Variants in DNAJC9 observed in about 807,000 individuals in gnomAD.
The protein encoded by DNAJC9 is dnaJ homolog subfamily C member 9.
A neutral mutation model predicts 32.4 loss-of-function variants in DNAJC9; 18 were observed. The ratio of observed to expected loss-of-function variants is 0.56; its 90% CI spans 0.38 to 0.82. The LOEUF (loss-of-function observed/expected upper bound fraction) is 0.82. Ranked by LOEUF, DNAJC9 falls within the 40% of genes least tolerant of loss-of-function variation. DNAJC9 has a pLI of 0.00. For synonymous variants in DNAJC9, 113 were observed against 122.1 expected (o/e 0.93, Z 0.49); for missense variants, 310 against 321.8 (o/e 0.96, Z 0.28).
intron 4 of DNAJC9, 104 bp from the exon 5 acceptor site, chr10:73,243,623 T>C (rs2043977358): frequency 2.1e-6 from 3 of 1,446,048 alleles, no homozygotes; most frequent in Non-Finnish European, 2.8e-6. Context: ...CTAATGGGTA[T>C]GGAGTTTTTT....
intron 3 of DNAJC9, among the ~76,000 whole-genome samples, chr10:73,245,344 ACCC>A (rs200932919): frequency 7.1e-6 from 1 of 141,694 alleles, no homozygotes; most frequent in Non-Finnish European, 1.5e-5. Flanking sequence ...ATCCTGAACC[ACCC>A]CCCCAACTCT....
At position 73,242,023 on chromosome 10, in the gene DNAJC9, ATCT is replaced by A. The variant is rs1286028826; in HGVS notation, c.*1374_*1376del. 1 of 152,180 alleles carries A rather than the reference ATCT, an allele frequency of 6.6e-6. No homozygotes were observed. Among genetic ancestry groups the A allele is most frequent in the African/African-American group, 2.4e-5 (1 of 41,432 alleles). The allele number at this position is 152,180 out of a possible 1,614,324, so 9.4% of individuals were successfully genotyped here. A position where few individuals can be genotyped will look rare whatever the true frequency, so the allele number is the denominator to read the frequency against. On this transcript the variant is annotated 3_prime_UTR_variant, in exon 5 of 5. Coordinates refer to ENST00000372950, the MANE Select transcript of DNAJC9 (RefSeq NM_015190.5). ...ATCTTGATTGTCATGCCAGTTTTAG[ATCT>A]TATTAATTTTCAGAATGGATAAATT...
chr10:73,234,747 C>A, downstream of DNAJC9: 1 of 1,492,572 alleles, frequency 6.7e-7, no homozygotes, highest in South Asian at 1.3e-5. Context: ...TATCTGATTT[C>A]TAATCAATTT....
chr10:73,245,936 C>A lies in DNAJC9; in HGVS notation c.562G>T (p.Ala188Ser), dbSNP rs2044001598. ...CAAAATCTTACCCTCCTTTTCCTTG[C>A]ATTCATCTTTTGTTTCGATTCTTTG... The part of the protein sequence containing the change: ...FVKESKQKMN[A>S]RKRRAQEEAK... Residue 188 changes from alanine (A) to serine (S), a missense_variant, in exon 3 of 5, where the codon GCA (alanine) becomes TCA (serine). Transcript: ENST00000372950. The A allele has an allele frequency of 2.5e-6, 4 of 1,611,050 alleles. No individual in the cohort carries two copies. The highest frequency in any genetic ancestry group is 2.7e-5 in the African/African-American group (2 of 74,732).
Position 73,247,041 on chromosome 10 carries a change from C to T in DNAJC9, c.149G>A (p.Gly50Asp). Reference sequence around the variant, plus strand: ...GCGGCGGGTGGCGTCCTCCTTGTCGCCCTCACCCACCCGGTCCGGGTGTAC... The same window carrying T: ...GCGGCGGGTGGCGTCCTCCTTGTCGTCCTCACCCACCCGGTCCGGGTGTAC... ...LQVHPDRVGE[G>D]DKEDATRRFQ... Residue 50 changes from glycine to aspartate, a missense_variant, in exon 1 of 5, where the codon GGC becomes GAC. Gly to Asp is a moderately conservative substitution (Grantham distance 94). Coordinates refer to ENST00000372950, the MANE Select transcript of DNAJC9 (RefSeq NM_015190.5). 1 of 1,547,800 alleles carries T rather than the reference C, an allele frequency of 6.5e-7. No homozygotes were observed. Among genetic ancestry groups the T allele is most frequent in the Non-Finnish European group, 8.7e-7 (1 of 1,145,822 alleles).
chr10:73,239,441 C>CT (rs544434048), downstream of DNAJC9: 6 of 1,342,308 alleles, frequency 4.5e-6, no homozygotes, highest in African/African-American at 5.8e-5. Context: ...AAGACCCAGC[C>CT]TTTGTCTTTT....
intron 2 of DNAJC9, among the ~76,000 whole-genome samples, chr10:73,233,527 G>T (rs573704402): frequency 1.3e-5 from 2 of 152,096 alleles, no homozygotes; most frequent in East Asian, 3.9e-4. Flanking sequence ...GTTTTTAGTA[G>T]AGACAGGGGT....
Position 73,243,292 on chromosome 10 carries a change from G to A in DNAJC9, c.*108C>T, listed in dbSNP as rs749529724. ...CAATCTGAAAAATTCAGGCTGGAAA[G>A]ACACCTTTTCTCAAGAGCTGAATTG... On this transcript the variant is annotated 3_prime_UTR_variant, in exon 5 of 5. Transcript: ENST00000372950. 1.6e-6 allele frequency: 2 copies of A among 1,276,800 alleles called. No homozygotes were observed. The highest frequency in any genetic ancestry group is 2.2e-6 in the Non-Finnish European group (2 of 915,044). 79.1% of individuals were successfully genotyped at this position (1,276,800 alleles called of 1,614,324 possible). A position where few individuals can be genotyped will look rare whatever the true frequency, so the allele number is the denominator to read the frequency against.
At chr10:73,235,110 T>C, downstream of DNAJC9, 2 of 1,478,906 alleles carry the variant, frequency 1.4e-6, no homozygotes, top group Non-Finnish European at 1.8e-6. Flanking sequence ...ACTTACCATA[T>C]CTGCCATGGT....
downstream of DNAJC9, chr10:73,235,094 G>C: frequency 1.4e-6 from 2 of 1,450,590 alleles, no homozygotes; most frequent in Non-Finnish European, 1.9e-6. Flanking sequence ...GAGCTGTTTG[G>C]CCTGCACTTA....
At chr10:73,232,761 T>TTC (rs1482052757) in intron 2 of DNAJC9, among the ~76,000 whole-genome samples, 2 of 152,378 alleles carry the variant, frequency 1.3e-5, no homozygotes, top group African/African-American at 4.8e-5. Flanking sequence ...TAAGAACAGA[T>TTC]TCTCATGCCT....
rs772011416 is a variant in DNAJC9 at position 73,233,039 on chromosome 10, T to C, written n.147+10804A>G. On this transcript the variant is annotated intron_variant and non_coding_transcript_variant, in intron 2 of 2. Transcript: ENST00000469143. ...TGTGGAGTTTAGTACATCATCTCTGTCATACACAGTGCAGTCCACCAGGAG... is the reference window on the plus strand; with the variant it reads ...TGTGGAGTTTAGTACATCATCTCTGCCATACACAGTGCAGTCCACCAGGAG... 11 of 1,551,686 alleles carry C rather than the reference T, an allele frequency of 7.1e-6. No homozygotes were observed. Among genetic ancestry groups the C allele is most frequent in the Non-Finnish European group, 9.6e-6 (11 of 1,146,872 alleles).
chr10:73,246,560 C>A, intron 2 of DNAJC9, 128 bp downstream of exon 2: 1 of 1,117,574 alleles, frequency 8.9e-7, no homozygotes, highest in South Asian at 1.5e-5. Context: ...ATCTGTATTT[C>A]AAGGCCAAAC....
chr10:73,236,923 A>T (rs2043836617), downstream of DNAJC9, among the ~76,000 whole-genome samples: 1 of 151,426 alleles, frequency 6.6e-6, no homozygotes, highest in African/African-American at 2.4e-5. Context: ...TATGTTGGCC[A>T]GACTGGTCTC....
chr10:73,240,804 C>T (rs16930440), downstream of DNAJC9: 4,027 of 581,858 alleles, frequency 6.9e-3, 75 homozygotes, highest in East Asian at 0.045. Flanking sequence ...AATTAGTGGG[C>T]TCTTCTACAA....
chr10:73,246,966 G>T (rs764780658), intron 1 of DNAJC9, 44 bp downstream of exon 1: 5 of 1,553,262 alleles, frequency 3.2e-6, no homozygotes, highest in South Asian at 1.2e-5. Flanking sequence ...AGGCTAGGGG[G>T]AGGCCCGCGC....
chr10:73,241,916 G>A (rs2043958600), downstream of DNAJC9: 1 of 152,104 alleles, frequency 6.6e-6, no homozygotes, highest in African/African-American at 2.4e-5. Flanking sequence ...ATTTTACTGT[G>A]GACCTTTTCC....
At chr10:73,237,071 T>G (rs745883692), downstream of DNAJC9, among the ~76,000 whole-genome samples, 5 of 152,160 alleles carry the variant, frequency 3.3e-5, no homozygotes, top group Non-Finnish European at 7.4e-5. Context: ...TTCCCTCTTC[T>G]TATAAGATAC....
chr10:73,247,248 C>A lies in DNAJC9; in HGVS notation c.-59G>T, dbSNP rs1345830860. 3 of 1,545,972 alleles carry A rather than the reference C, an allele frequency of 1.9e-6. No individual in the cohort carries two copies. Among genetic ancestry groups the A allele is most frequent in the Non-Finnish European group, 2.6e-6 (3 of 1,144,258 alleles). On this transcript the variant is annotated 5_prime_UTR_variant, in exon 1 of 5. Coordinates refer to ENST00000372950, the MANE Select transcript of DNAJC9 (RefSeq NM_015190.5). The stretch of plus-strand genomic sequence containing the variant: ...CGCTCCCAGCTGCGCCGGGTACAAC[C>A]CAGGACTGCTTCTTTTTCGCGCCCA...
Sources: allele counts gnomAD v4.1 joint callset (sites outside exome capture counted in the v4.1 genomes callset), GRCh38; gene constraint gnomAD v4.1.1; transcripts MANE v1.5; gene names NCBI Gene and HGNC (gene_info 2026-07-23, HGNC 2026-07-21).